COL6A6: variants seen among roughly 807,000 people sequenced by gnomAD.
The protein encoded by COL6A6 is collagen type VI alpha 6 chain.
In COL6A6, 183 loss-of-function variants were observed where a neutral mutation model predicts 208.6. The observed-to-expected ratio is 0.88, with a 90% CI of 0.78 to 0.99. The LOEUF is 0.99. Ranked by LOEUF, COL6A6 falls within the 50% of genes least tolerant of loss-of-function variation. The probability of loss-of-function intolerance (pLI) is 0.00; values close to 1 mark genes in which losing one functional copy is unlikely to be tolerated. For synonymous variants in COL6A6, 973 were observed against 1,011.8 expected (o/e 0.96, Z 0.73); for missense variants, 2,816 against 2,815.2 (o/e 1.00, Z -0.01).
chr3:130,620,814 G>A (rs2064692997), intron 23 of COL6A6, among the ~76,000 whole-genome samples: 1 of 152,146 alleles, frequency 6.6e-6, no homozygotes, highest in African/African-American at 2.4e-5. Flanking sequence ...CGCAAAGGCT[G>A]GTTTATTTAC....
chr3:130,534,508 C>T (rs929083504), intron 1 of COL6A6, among the ~76,000 whole-genome samples: 4 of 152,038 alleles, frequency 2.6e-5, no homozygotes, highest in Admixed American at 2.6e-4. Flanking sequence ...ACTGTATTTT[C>T]ATTAATTTCT....
At chr3:130,618,163 T>A (rs565165019) in intron 23 of COL6A6, among the ~76,000 whole-genome samples, 1 of 152,320 alleles carries the variant, frequency 6.6e-6, no homozygotes, top group African/African-American at 2.4e-5. Context: ...TTGGGAATCC[T>A]GTCCCACACA....
In COL6A6 at chr3:130,608,049, CTT is replaced by C. The variant is rs1168902172; in HGVS notation, c.4690-851_4690-850del. On this transcript the variant is annotated intron_variant, in intron 21 of 36. Coordinates refer to ENST00000358511, the MANE Select transcript of COL6A6 (RefSeq NM_001102608.3). ...AGGGGCTGACAGCTACCTTGAACCT[CTT>C]TATAAAGGCACTAATCTCATTCAAG... Among the ~76,000 whole-genome samples the C allele has an allele frequency of 3.3e-5, 5 of 152,134 alleles. No individual in the cohort carries two copies. The South Asian group carries it at 1.0e-3, about 31-fold the overall frequency.
At chr3:130,638,266 A>T (rs1161964672) in intron 28 of COL6A6, among the ~76,000 whole-genome samples, 3 of 152,034 alleles carry the variant, frequency 2.0e-5, no homozygotes, top group Non-Finnish European at 4.4e-5. Flanking sequence ...TTACCTTCTT[A>T]CTTTTTTGAT....
chr3:130,587,154 A>C (rs1430907512), intron 11 of COL6A6, among the ~76,000 whole-genome samples: 1 of 152,242 alleles, frequency 6.6e-6, no homozygotes, highest in Non-Finnish European at 1.5e-5. Context: ...GAGAAAGAGC[A>C]ATCTGCTCTA....
intron 1 of COL6A6, among the ~76,000 whole-genome samples, chr3:130,538,419 C>A (rs1486423518): frequency 6.6e-6 from 1 of 152,154 alleles, no homozygotes; most frequent in East Asian, 1.9e-4. Context: ...AGGTTACTCA[C>A]AAGCTGTCCC....
intron 1 of COL6A6, among the ~76,000 whole-genome samples, chr3:130,526,391 A>G (rs1262075171): frequency 6.6e-6 from 1 of 152,154 alleles, no homozygotes; most frequent in African/African-American, 2.4e-5. Context: ...CAAAGATCAC[A>G]TGGGCATGGC....
intron 23 of COL6A6, among the ~76,000 whole-genome samples, chr3:130,620,737 A>T (rs1228351633): frequency 1.3e-5 from 2 of 152,234 alleles, no homozygotes; most frequent in Non-Finnish European, 2.9e-5. Context: ...TTTTTAAAAG[A>T]TGAAAATGTT....
chr3:130,653,811 G>A (rs1425752705), intron 33 of COL6A6, among the ~76,000 whole-genome samples: 2 of 152,128 alleles, frequency 1.3e-5, no homozygotes, highest in East Asian at 3.9e-4. Flanking sequence ...CTTGGTCAAG[G>A]GGGAAAGGTT....
chr3:130,642,913 A>C (rs138360257), intron 30 of COL6A6, 46 bp downstream of exon 30: 2 of 1,613,128 alleles, frequency 1.2e-6, no homozygotes, highest in Admixed American at 3.3e-5. Context: ...TGCTCCATTC[A>C]ATTTACTTAT....
intron 1 of COL6A6, among the ~76,000 whole-genome samples, chr3:130,531,746 G>C (rs575171249): frequency 1.1e-3 from 175 of 152,298 alleles, no homozygotes; most frequent in Non-Finnish European, 1.9e-3. Context: ...GATTTGATTT[G>C]AGTCAAAATC....
intron 20 of COL6A6, among the ~76,000 whole-genome samples, chr3:130,605,532 C>G (rs1458259569): frequency 6.6e-6 from 1 of 152,082 alleles, no homozygotes; most frequent in African/African-American, 2.4e-5. Context: ...TGAATCAGAA[C>G]AGACAAACCC....
At chr3:130,668,871 G>A (rs897598535) in intron 36 of COL6A6, among the ~76,000 whole-genome samples, 4 of 152,156 alleles carry the variant, frequency 2.6e-5, no homozygotes, top group Admixed American at 2.6e-4. Flanking sequence ...TATAAAAGAT[G>A]TAAACATAAG....
Position 130,586,544 on chromosome 3 carries a change from G to A in COL6A6, c.4009G>A (p.Ala1337Thr). The A allele has an allele frequency of 6.2e-7, 1 of 1,613,874 alleles. No homozygotes were observed. Among genetic ancestry groups the A allele is most frequent in the Non-Finnish European group, 8.5e-7 (1 of 1,179,822 alleles). ...CATAACTGTTGCTCTGGATGGACCT[G>A]CTGATTCAAGTGACTTGGCTGATCT... Reference protein sequence around the residue: ...ALITVALDGPADSSDLADLPY... With the variant: ...ALITVALDGPTDSSDLADLPY... Residue 1337 changes from alanine to threonine, a missense_variant, in exon 11 of 37, where the codon GCT (alanine) becomes ACT (threonine). Coordinates refer to ENST00000358511, the MANE Select transcript of COL6A6 (RefSeq NM_001102608.3).
At chr3:130,619,038 AAC>A (rs2064622282) in intron 23 of COL6A6, among the ~76,000 whole-genome samples, 1 of 152,204 alleles carries the variant, frequency 6.6e-6, no homozygotes, top group African/African-American at 2.4e-5. Context: ...CAACAAATTA[AAC>A]ACAGTAGTTC....
intron 17 of COL6A6, 39 bp downstream of exon 17, chr3:130,593,291 G>C: frequency 6.7e-7 from 1 of 1,493,712 alleles, no homozygotes; most frequent in Non-Finnish European, 9.3e-7. Context: ...AATTGTACTG[G>C]GGATTAAGGG....
intron 33 of COL6A6, among the ~76,000 whole-genome samples, chr3:130,655,449 A>C (rs1404365669): frequency 6.6e-6 from 1 of 152,174 alleles, no homozygotes; most frequent in Non-Finnish European, 1.5e-5. Context: ...ACAGGATCCA[A>C]TCTGATCTTG....
intron 24 of COL6A6, among the ~76,000 whole-genome samples, chr3:130,625,718 G>C (rs1203806652): frequency 6.6e-6 from 1 of 152,120 alleles, no homozygotes; most frequent in Non-Finnish European, 1.5e-5. Context: ...CCTGGAACAG[G>C]AAAGGAATAT....
chr3:130,579,013 A>G (rs1475471314), intron 8 of COL6A6, among the ~76,000 whole-genome samples: 1 of 152,184 alleles, frequency 6.6e-6, no homozygotes, highest in East Asian at 1.9e-4. Flanking sequence ...CCCTAGCTAT[A>G]CTTTATAGAT....
Sources: gnomAD v4.1 joint callset for allele counts (sites outside exome capture counted in the v4.1 genomes callset) on GRCh38, gnomAD v4.1.1 for gene constraint, MANE v1.5 for transcripts, NCBI Gene and HGNC (gene_info 2026-07-23, HGNC 2026-07-21) for gene names.